ZNF385B: variants seen among roughly 807,000 people sequenced by gnomAD.
ZNF385B encodes the protein zinc finger protein 533.
ZNF385B carries 23 observed loss-of-function variants against 39.2 expected under a neutral mutation model. The observed-to-expected ratio is 0.59, with a 90% confidence interval of 0.42 to 0.83. The LOEUF is 0.83. Among genes scored for constraint, ZNF385B ranks in the 40% least tolerant of loss-of-function variants. The probability of loss-of-function intolerance (pLI) is 0.00; values close to 1 mark genes in which losing one functional copy is unlikely to be tolerated. For missense variants in ZNF385B, 552 were observed against 598.9 expected (o/e 0.92, Z 0.82); for synonymous variants, 205 against 222.6 (o/e 0.92, Z 0.70).
chr2:179,581,967 A>T (rs1196855015), intron 3 of ZNF385B, among the ~76,000 whole-genome samples: 1 of 152,162 alleles, frequency 6.6e-6, no homozygotes, highest in African/African-American at 2.4e-5. Flanking sequence ...TATGAAAACC[A>T]CTTTATTATT....
chr2:179,531,518 C>G (rs1411438833), intron 4 of ZNF385B, among the ~76,000 whole-genome samples: 1 of 152,004 alleles, frequency 6.6e-6, no homozygotes, highest in African/African-American at 2.4e-5. Flanking sequence ...CACCTGTAAT[C>G]CCAGCTACTG....
chr2:179,857,805 T>C (rs1316961972), intron 1 of ZNF385B, among the ~76,000 whole-genome samples: 1 of 152,172 alleles, frequency 6.6e-6, no homozygotes, highest in Non-Finnish European at 1.5e-5. Context: ...TATCACCTAG[T>C]GCCGTGCTTG....
intron 1 of ZNF385B, among the ~76,000 whole-genome samples, chr2:179,812,435 A>G (rs938729601): frequency 1.3e-5 from 2 of 152,196 alleles, no homozygotes; most frequent in African/African-American, 2.4e-5. Flanking sequence ...CGCGGTACAC[A>G]TACATCATGG....
intron 5 of ZNF385B, among the ~76,000 whole-genome samples, chr2:179,490,493 A>G (rs1209806970): frequency 6.6e-6 from 1 of 152,150 alleles, no homozygotes; most frequent in African/African-American, 2.4e-5. Context: ...CCCATGACTC[A>G]TTGGTGGAAT....
intron 3 of ZNF385B, among the ~76,000 whole-genome samples, chr2:179,660,481 TTC>T (rs1471964438): frequency 6.6e-6 from 1 of 152,256 alleles, no homozygotes; most frequent in African/African-American, 2.4e-5. Flanking sequence ...TTTTTATTTC[TTC>T]TGTTTTCCAT....
intron 3 of ZNF385B, among the ~76,000 whole-genome samples, chr2:179,719,086 A>G (rs1399243651): frequency 6.6e-6 from 1 of 151,976 alleles, no homozygotes; most frequent in African/African-American, 2.4e-5. Context: ...TAACCATACC[A>G]TGCCACCATT....
intron 4 of ZNF385B, among the ~76,000 whole-genome samples, chr2:179,521,246 G>A (rs998471350): frequency 6.6e-6 from 1 of 151,530 alleles, no homozygotes; most frequent in Non-Finnish European, 1.5e-5. Flanking sequence ...GAGTGTAGTG[G>A]TGCGATATCA....
chr2:179,613,477 A>G (rs1399072137), intron 3 of ZNF385B, among the ~76,000 whole-genome samples: 1 of 152,106 alleles, frequency 6.6e-6, no homozygotes, highest in African/African-American at 2.4e-5. Flanking sequence ...CAGGTGATGC[A>G]TCCTGACAGG....
chr2:179,746,135 T>C (rs1702368766), intron 3 of ZNF385B: 2 of 639,874 alleles, frequency 3.1e-6, no homozygotes, highest in Non-Finnish European at 3.9e-6. Flanking sequence ...GTGATCAAAT[T>C]CAAGCAAACC....
At chr2:179,761,801 T>C (rs1703415021) in intron 3 of ZNF385B, among the ~76,000 whole-genome samples, 1 of 148,430 alleles carries the variant, frequency 6.7e-6, no homozygotes, top group Admixed American at 6.9e-5. Flanking sequence ...AGACAGGTTG[T>C]GTTGCCCAGG....
intron 3 of ZNF385B, among the ~76,000 whole-genome samples, chr2:179,649,426 A>G (rs1693013384): frequency 6.6e-6 from 1 of 152,222 alleles, no homozygotes; most frequent in South Asian, 2.1e-4. Context: ...TTGCTTATAA[A>G]AAATCCATAC....
At chr2:179,534,073 A>G (rs2059418867) in intron 4 of ZNF385B, among the ~76,000 whole-genome samples, 1 of 152,202 alleles carries the variant, frequency 6.6e-6, no homozygotes, top group African/African-American at 2.4e-5. Flanking sequence ...CAGGCAGTCA[A>G]GTGACTGTGA....
At chr2:179,463,962 C>A (rs1453531641) in intron 6 of ZNF385B, among the ~76,000 whole-genome samples, 1 of 152,130 alleles carries the variant, frequency 6.6e-6, no homozygotes, top group African/African-American at 2.4e-5. Flanking sequence ...TTTTTACTCC[C>A]ACCAACAGTG....
intron 3 of ZNF385B, among the ~76,000 whole-genome samples, chr2:179,657,625 C>T (rs1373829740): frequency 2.6e-5 from 4 of 152,230 alleles, no homozygotes; most frequent in Middle Eastern, 3.4e-3. Context: ...GGAACATTGA[C>T]GTAAATAACT....
chr2:179,524,983 T>A (rs2058797396), intron 4 of ZNF385B, among the ~76,000 whole-genome samples: 2 of 152,150 alleles, frequency 1.3e-5, no homozygotes, highest in Non-Finnish European at 2.9e-5. Flanking sequence ...ACTAAGGAAT[T>A]ACCTCCTGTA....
At chr2:179,751,975 G>A (rs1320414913) in intron 3 of ZNF385B, among the ~76,000 whole-genome samples, 3 of 152,070 alleles carry the variant, frequency 2.0e-5, no homozygotes, top group African/African-American at 7.2e-5. Flanking sequence ...TAGGGCACAT[G>A]TGCACAACGT....
At chr2:179,793,108 T>A (rs1035356893) in intron 1 of ZNF385B, among the ~76,000 whole-genome samples, 15 of 152,162 alleles carry the variant, frequency 9.9e-5, no homozygotes, top group African/African-American at 3.6e-4. Context: ...GCCTTAAAAG[T>A]AAGAATTAAT....
At chr2:179,562,924 G>T (rs1684093468) in intron 3 of ZNF385B, among the ~76,000 whole-genome samples, 1 of 152,144 alleles carries the variant, frequency 6.6e-6, no homozygotes, top group Non-Finnish European at 1.5e-5. Context: ...ATTTCAAAGA[G>T]AAATGTGTTC....
At chr2:179,732,449 T>C (rs1214560263) in intron 3 of ZNF385B, among the ~76,000 whole-genome samples, 1 of 152,170 alleles carries the variant, frequency 6.6e-6, no homozygotes, top group Non-Finnish European at 1.5e-5. Context: ...GAAGAACATA[T>C]TTCAAAGAGC....
Sources: gnomAD v4.1 joint callset for allele counts (sites outside exome capture counted in the v4.1 genomes callset) on GRCh38, gnomAD v4.1.1 for gene constraint, MANE v1.5 for transcripts, NCBI Gene and HGNC (gene_info 2026-07-23, HGNC 2026-07-21) for gene names.